The following PRRC2B variants were observed in gnomAD, a reference collection of about 807,000 sequenced individuals.
PRRC2B encodes protein PRRC2B.
In PRRC2B, 68 loss-of-function variants were observed where a neutral mutation model predicts 242.3. The ratio of observed to expected loss-of-function variants is 0.28; its 90% CI spans 0.23 to 0.34. The LOEUF (loss-of-function observed/expected upper bound fraction) is 0.34. PRRC2B is among the 10% of genes least tolerant of loss of function. The pLI is 1.00. For missense variants in PRRC2B, 2,835 were observed against 2,954.8 expected (o/e 0.96, Z 0.94); for synonymous variants, 1,228 against 1,173.6 (o/e 1.05, Z -0.95).
At position 131,484,781 on chromosome 9, in the gene PRRC2B, T is replaced by A. The variant is rs779411072; in HGVS notation, c.5556T>A (p.Leu1852=). The A allele has an allele frequency of 8.1e-6, 13 of 1,609,140 alleles. No individual in the cohort carries two copies. Among genetic ancestry groups the A allele is most frequent in the Non-Finnish European group, 1.0e-5 (12 of 1,177,210 alleles). Residue 1852 remains leucine, a synonymous_variant, in exon 24 of 32, where the codon CTT becomes CTA. Transcript: ENST00000683519. ...CAATGTCCTTCCCCACCGCCGACCT[T>A]ACTCTGAAGGTAACACCAGCCCTGA... ...LSPMSFPTAD[L]TLKMESARKA... is the part of the protein sequence containing the mutation.
At chr9:131,463,585 C>G (rs1221381545) in intron 11 of PRRC2B, among the ~76,000 whole-genome samples, 1 of 150,542 alleles carries the variant, frequency 6.6e-6, no homozygotes, top group East Asian at 2.0e-4. Flanking sequence ...GCAAGAAACT[C>G]AGAAACGGAT....
chr9:131,379,914 G>A (rs1290536720), intron 1 of PRRC2B, among the ~76,000 whole-genome samples: 3 of 150,208 alleles, frequency 2.0e-5, no homozygotes, highest in African/African-American at 4.9e-5. Flanking sequence ...GTCAGCTACC[G>A]CACCCAGCCA....
chr9:131,448,749 C>A (rs10114554), intron 9 of PRRC2B, among the ~76,000 whole-genome samples: 134,663 of 151,160 alleles, frequency 0.89, 60,350 homozygotes, highest in South Asian at 0.97. Flanking sequence ...GTTTATCTCC[C>A]CCCACTCCCC....
rs1161939796 is a variant in PRRC2B, at chr9:131,455,158, G to A, written c.1203G>A (p.Arg401=). Residue 401 remains arginine (R), a synonymous_variant, in exon 10 of 32, where the codon AGG becomes AGA. Coordinates refer to ENST00000683519, the MANE Select transcript of PRRC2B (RefSeq NM_013318.4). The part of the protein sequence containing the change: ...EEEEEVVKDG[R]PKWNSWDPRR... ...AGGAAGAAGTTGTGAAGGACGGCAG[G>A]CCAAAGTGGTAAGGACCCGTTCCTG... The A allele has an allele frequency of 6.2e-7, 1 of 1,613,158 alleles. No homozygotes were observed. Among genetic ancestry groups the A allele is most frequent in the South Asian group, 1.1e-5 (1 of 90,952 alleles).
At chr9:131,478,642 G>GGC in intron 18 of PRRC2B, 23 bp downstream of exon 18, 9 of 482,012 alleles carry the variant, frequency 1.9e-5, no homozygotes, top group Non-Finnish European at 3.8e-5. Context: ...GGGTGGGGGG[G>GGC]CATGGGGCTG....
intron 1 of PRRC2B, among the ~76,000 whole-genome samples, chr9:131,416,415 C>G (rs977134614): frequency 1.3e-5 from 2 of 152,122 alleles, no homozygotes; most frequent in African/African-American, 4.8e-5. Flanking sequence ...CCTCTTCTAC[C>G]TCTTCTAATT....
chr9:131,478,329 A>T lies in PRRC2B; in HGVS notation c.4613-145A>T, dbSNP rs1346438518. On this transcript the variant is annotated intron_variant, in intron 17 of 31. Transcript: ENST00000683519. ...TTGGTTTGGGGTAACAATGTGTTAG[A>T]TCAGAGGCGGCCTGAGAAAAGTGCG... 5.1e-6 allele frequency: 4 copies of T among 786,316 alleles called. No individual in the cohort carries two copies. The African/African-American group carries it at 5.2e-5, about 10-fold the overall frequency. 48.7% of individuals were successfully genotyped at this position (786,316 alleles called of 1,614,324 possible). A position where few individuals can be genotyped will look rare whatever the true frequency, so the allele number is the denominator to read the frequency against.
At chr9:131,461,751 G>GGCTGATCTAC (rs1288251162) in intron 11 of PRRC2B, among the ~76,000 whole-genome samples, 3 of 152,178 alleles carry the variant, frequency 2.0e-5, no homozygotes, top group Non-Finnish European at 2.9e-5. Flanking sequence ...ATGTTGGCCA[G>GGCTGATCTAC]GCTGATCTAC....
At chr9:131,420,493 C>CTTTCTTTCTTTT in intron 1 of PRRC2B, among the ~76,000 whole-genome samples, 1 of 30,180 alleles carries the variant, frequency 3.3e-5, no homozygotes, top group Non-Finnish European at 6.4e-5. Flanking sequence ...TTCTTTCTTT[C>CTTTCTTTCTTTT]TTTTTTTTTT....
intron 1 of PRRC2B, among the ~76,000 whole-genome samples, chr9:131,385,296 G>C (rs922262112): frequency 1.3e-5 from 2 of 149,338 alleles, no homozygotes; most frequent in Admixed American, 1.4e-4. Context: ...AGCTGAGATC[G>C]TGCTGTTGCA....
rs568585607 is a variant in PRRC2B at position 131,403,485 on chromosome 9, G to T, written c.-52+9222G>T. Among the ~76,000 whole-genome samples the T allele has an allele frequency of 1.6e-4, 24 of 151,796 alleles. No homozygotes were observed. The East Asian group carries it at 1.9e-3, about 12-fold the overall frequency. On this transcript the variant is annotated intron_variant, in intron 1 of 31. Coordinates refer to ENST00000683519, the MANE Select transcript of PRRC2B (RefSeq NM_013318.4). ...CCCTGCCTCAGCCTCTTGAGTAGCT[G>T]GGAGTACAGGTGCATCCCGCCACGC...
intron 1 of PRRC2B, among the ~76,000 whole-genome samples, chr9:131,375,522 TAATA>T (rs1208724249): frequency 6.6e-6 from 1 of 152,212 alleles, no homozygotes; most frequent in Non-Finnish European, 1.5e-5. Context: ...AATCTGCACT[TAATA>T]AATGATGCTG....
chr9:131,425,423 G>A (rs1837951271), intron 1 of PRRC2B, among the ~76,000 whole-genome samples: 1 of 152,118 alleles, frequency 6.6e-6, no homozygotes, highest in Non-Finnish European at 1.5e-5. Flanking sequence ...CCTCAGGCCT[G>A]GTCAGCACAG....
rs569250574 is a variant in PRRC2B at position 131,425,054 on chromosome 9, C to T, written c.-51-5040C>T. Among the ~76,000 whole-genome samples the T allele has an allele frequency of 1.1e-3, 163 of 152,242 alleles. 1 individual carries two copies. Among genetic ancestry groups the T allele is most frequent in the African/African-American group, 3.8e-3 (157 of 41,538 alleles). ...CAATCTTGGCTCACTGCAGCCTCTG[C>T]CTCCTGGGTTCAAGTGATTCTGCTG... On this transcript the variant is annotated intron_variant, in intron 1 of 31. Transcript: ENST00000683519.
intron 2 of PRRC2B, among the ~76,000 whole-genome samples, chr9:131,430,577 G>GTGTGTGTGTC (rs1564281593): frequency 1.5e-5 from 2 of 135,306 alleles, no homozygotes; most frequent in Non-Finnish European, 3.2e-5. Context: ...GTGTGTGTGT[G>GTGTGTGTGTC]TGTGTGTGTG....
intron 13 of PRRC2B, among the ~76,000 whole-genome samples, chr9:131,468,717 T>C (rs1239684989): frequency 1.3e-5 from 2 of 152,204 alleles, no homozygotes; most frequent in African/African-American, 4.8e-5. Flanking sequence ...ATTACTAATA[T>C]TAATTGAAAA....
chr9:131,487,946 C>T lies in PRRC2B; in HGVS notation c.6075C>T (p.Phe2025=), dbSNP rs1944073431. 6.2e-7 allele frequency: 1 copy of T among 1,613,538 alleles called. No homozygotes were observed. The change falls in exon 28 of 32, where the codon TTC becomes TTT. Residue 2025 remains phenylalanine, a synonymous_variant. Coordinates refer to ENST00000683519, the MANE Select transcript of PRRC2B (RefSeq NM_013318.4). This position sits in a 1 kb window ranked among gnomAD's most constrained non-coding sequence, Gnocchi z 5.3. ...CCTTGAAGCCTCCATACTCGGCGTT[C>T]CCAGGCATGCAGCCCTTGGAGATGG... ...GTALKPPYSA[F]PGMQPLEMVK...
intron 1 of PRRC2B, among the ~76,000 whole-genome samples, chr9:131,380,318 G>A (rs1288775811): frequency 6.6e-6 from 1 of 151,426 alleles, no homozygotes; most frequent in Non-Finnish European, 1.5e-5. Context: ...TGGCTCACAC[G>A]TGTAATCTCA....
At chr9:131,459,593 CT>C (rs1943183004) in intron 11 of PRRC2B, among the ~76,000 whole-genome samples, 1 of 151,818 alleles carries the variant, frequency 6.6e-6, no homozygotes, top group Non-Finnish European at 1.5e-5. Flanking sequence ...GCTGTTCTTA[CT>C]TTTTTTAAGA....
Sources: allele counts gnomAD v4.1 joint callset (sites outside exome capture counted in the v4.1 genomes callset), GRCh38; gene constraint gnomAD v4.1.1; non-coding constraint Gnocchi (gnomAD v3.1); transcripts MANE v1.5; gene names NCBI Gene and HGNC (gene_info 2026-07-23, HGNC 2026-07-21).